The following PHLDB3 variants were observed in gnomAD, a reference collection of about 807,000 sequenced individuals.
PHLDB3 encodes the protein pleckstrin homology like domain family B member 3.
Under a neutral mutation model 85.7 loss-of-function variants are expected in PHLDB3, and 86 were observed. That is an observed-to-expected ratio of 1.00 (90% CI 0.84 to 1.20). PHLDB3 has a LOEUF of 1.20. Ranked by LOEUF, PHLDB3 falls within the 50% of genes most tolerant of loss-of-function variation. The pLI is 0.00. For synonymous variants in PHLDB3, 376 were observed against 349.8 expected, an observed-to-expected ratio of 1.07 and a Z score of -0.83; for missense variants, 995 against 873.0, an observed-to-expected ratio of 1.14 and a Z score of -1.76.
intron 4 of PHLDB3, among the ~76,000 whole-genome samples, chr19:43,500,827 A>G (rs1004526939): frequency 3.3e-5 from 5 of 150,948 alleles, no homozygotes; most frequent in Non-Finnish European, 4.4e-5. Context: ...TTTTCACAGA[A>G]ACGGTGTCTT....
chr19:43,475,486 A>G lies in PHLDB3; in HGVS notation c.1847T>C (p.Val616Ala), dbSNP rs1204216622. The change falls in exon 16 of 16, where the codon GTG (valine) becomes GCG (alanine). Residue 616 changes from valine to alanine, a missense_variant. Physicochemically the swap from Val to Ala is moderately conservative, Grantham distance 64. Transcript: ENST00000292140. Reference sequence around the variant, plus strand: ...GCGCATGGCTTCGGGGCTCGGAGCCACCATGTAGAAAAGGCGTTCGTAGGT... The same window carrying G: ...GCGCATGGCTTCGGGGCTCGGAGCCGCCATGTAGAAAAGGCGTTCGTAGGT... ...VKTYERLFYMVAPSPEAMRIW... is the reference protein window; with the variant it reads ...VKTYERLFYMAAPSPEAMRIW... 3.1e-6 allele frequency: 5 copies of G among 1,613,966 alleles called. No homozygotes were observed. Among genetic ancestry groups the G allele is most frequent in the Non-Finnish European group, 4.2e-6 (5 of 1,179,872 alleles).
chr19:43,497,126 G>C lies in PHLDB3; in HGVS notation c.817C>G (p.Gln273Glu). 6.5e-7 allele frequency: 1 copy of C among 1,532,358 alleles called. No individual in the cohort carries two copies. The highest frequency in any genetic ancestry group is 1.2e-5 in the South Asian group (1 of 81,186). 94.9% of individuals were successfully genotyped at this position (1,532,358 alleles called of 1,614,324 possible). A position where few individuals can be genotyped will look rare whatever the true frequency, so the allele number is the denominator to read the frequency against. Reference protein sequence around the residue: ...KVQELQASMAQHRRGALQHRI... With the variant: ...KVQELQASMAEHRRGALQHRI... ...GGTCAGGCATGACTCACTCTGTGCT[G>C]CGCCATGCTGGCCTGGAGTTCCTGG... is the stretch of plus-strand genomic sequence containing the variant. Residue 273 changes from glutamine to glutamate, a missense_variant, in exon 6 of 16, where the codon CAG becomes GAG. Gln to Glu is a conservative substitution (Grantham distance 29, BLOSUM62 2). Coordinates refer to ENST00000292140, the MANE Select transcript of PHLDB3 (RefSeq NM_198850.4).
chr19:43,496,928 G>A, intron 6 of PHLDB3, 190 bp downstream of exon 6: 1 of 867,058 alleles, frequency 1.2e-6, no homozygotes. Flanking sequence ...AGGATTCAGT[G>A]AGGAAATGCT....
At position 43,479,383 on chromosome 19, in the gene PHLDB3, A is replaced by T; in HGVS notation, c.1696T>A (p.Tyr566Asn). 6.4e-7 allele frequency: 1 copy of T among 1,562,058 alleles called. No individual in the cohort carries two copies. The highest frequency in any genetic ancestry group is 8.7e-7 in the Non-Finnish European group (1 of 1,153,710). The change falls in exon 14 of 16, where the codon TAT becomes AAT. Residue 566 changes from tyrosine (Y) to asparagine (N), a missense_variant. Transcript: ENST00000292140. Reference sequence around the variant, plus strand: ...GTGGCCAGGCTGGGCTTACCCGCATAGTAGGCCAAGCGGCGGGCTTGGCGG... The same window carrying T: ...GTGGCCAGGCTGGGCTTACCCGCATTGTAGGCCAAGCGGCGGGCTTGGCGG... The part of the protein sequence containing the change: ...FDRQARRLAY[Y>N]ADKEETKLKG...
chr19:43,482,772 A>C (rs1009983690), intron 13 of PHLDB3, among the ~76,000 whole-genome samples: 2 of 152,132 alleles, frequency 1.3e-5, no homozygotes, highest in African/African-American at 4.8e-5. Flanking sequence ...TCCTGACCTC[A>C]GGTGATCTGC....
chr19:43,501,175 C>CTTTTTTTTTTTTTTTTTTT (rs59042804), intron 4 of PHLDB3, among the ~76,000 whole-genome samples: 1 of 83,600 alleles, frequency 1.2e-5, no homozygotes, highest in African/African-American at 5.0e-5. Flanking sequence ...TTCTTTTTCT[C>CTTTTTTTTTTTTTTTTTTT]TTTTTTTTTT....
At position 43,502,986 on chromosome 19, in the gene PHLDB3, ATC is replaced by A. The variant is rs567386809; in HGVS notation, c.214-705_214-704del. Reference sequence around the variant, plus strand: ...CTGACCCCAGTCTCTCAGATTCGGTATCTGTCCACTAGATCTGTCCACTAGAA... The same window carrying A: ...CTGACCCCAGTCTCTCAGATTCGGTATGTCCACTAGATCTGTCCACTAGAA... On this transcript the variant is annotated intron_variant, in intron 2 of 15. Coordinates refer to ENST00000292140, the MANE Select transcript of PHLDB3 (RefSeq NM_198850.4). Among the ~76,000 whole-genome samples, 69 of 89,974 alleles carry A rather than the reference ATC, an allele frequency of 7.7e-4. No individual in the cohort carries two copies. In the East Asian group the frequency reaches 0.021, roughly 28 times the overall value. 59.0% of individuals were successfully genotyped at this position (89,974 alleles called of 152,430 possible).
intron 4 of PHLDB3, among the ~76,000 whole-genome samples, chr19:43,500,071 C>G (rs1356482592): frequency 6.6e-6 from 1 of 152,090 alleles, no homozygotes; most frequent in Non-Finnish European, 1.5e-5. Context: ...GAAACCCCAT[C>G]TCTACTGAAA....
chr19:43,486,149 C>T, intron 13 of PHLDB3, 117 bp downstream of exon 13: 1 of 1,411,216 alleles, frequency 7.1e-7, no homozygotes, highest in South Asian at 1.6e-5. Flanking sequence ...TTGCCAAGCC[C>T]AGGACAATTT....
Position 43,487,020 on chromosome 19 carries a change from T to A in PHLDB3, c.1249+4A>T. The A allele has an allele frequency of 6.5e-7, 1 of 1,548,364 alleles. No individual in the cohort carries two copies. The highest frequency in any genetic ancestry group is 8.7e-7 in the Non-Finnish European group (1 of 1,150,286). On this transcript the variant is annotated splice_donor_region_variant and intron_variant, in intron 10 of 15. Transcript: ENST00000292140. ...AAGGAAGTGGGGAACAGGGGGATCC[T>A]CACCAGTACAATGGAAGGACAGAGG...
chr19:43,489,772 C>T (rs1375368704), intron 9 of PHLDB3, among the ~76,000 whole-genome samples: 2 of 151,778 alleles, frequency 1.3e-5, no homozygotes, highest in Admixed American at 6.6e-5. Context: ...TCTGGAAGGC[C>T]GAGGCAGGCA....
intron 9 of PHLDB3, among the ~76,000 whole-genome samples, chr19:43,489,527 G>A (rs1337919692): frequency 2.0e-5 from 3 of 152,140 alleles, no homozygotes; most frequent in Non-Finnish European, 2.9e-5. Flanking sequence ...CTCAGGAAGT[G>A]AACAGCGTAG....
rs547222779 is a variant in PHLDB3, at chr19:43,486,826, C to T, written c.1294G>A (p.Gly432Ser). ...SALPPAVGDS[G>S]RYPLYQLLNC... The stretch of plus-strand genomic sequence containing the variant: ...AGCAGCTGGTAGAGGGGGTATCTGC[C>T]GGAGTCCCCCACTGCTGGCGGGAGA... Residue 432 changes from glycine (G) to serine (S), a missense_variant, in exon 11 of 16, where the codon GGC becomes AGC. Coordinates refer to ENST00000292140, the MANE Select transcript of PHLDB3 (RefSeq NM_198850.4). The T allele has an allele frequency of 8.2e-6, 13 of 1,585,460 alleles. No homozygotes were observed. The highest frequency in any genetic ancestry group is 4.6e-5 in the South Asian group (4 of 86,168).
intron 9 of PHLDB3, among the ~76,000 whole-genome samples, chr19:43,487,447 C>T (rs1033853083): frequency 9.2e-5 from 14 of 151,452 alleles, no homozygotes; most frequent in South Asian, 8.4e-4. Flanking sequence ...TGGTGGCACG[C>T]GCCTGTAGTC....
intron 9 of PHLDB3, 57 bp from the exon 10 acceptor site, chr19:43,487,180 C>T: frequency 7.0e-7 from 1 of 1,429,384 alleles, no homozygotes; most frequent in Non-Finnish European, 9.7e-7. Context: ...CAACCTAAGT[C>T]AGAGCACTGC....
Position 43,475,229 on chromosome 19 carries a change from G to A in PHLDB3, c.*181C>T, listed in dbSNP as rs933591738. The stretch of plus-strand genomic sequence containing the variant: ...GGGCCGGCGATCCCGTCGGGGGCAA[G>A]GCACCTGCAACCCAGAACGCAGCAG... On this transcript the variant is annotated 3_prime_UTR_variant, in exon 16 of 16. Coordinates refer to ENST00000292140, the MANE Select transcript of PHLDB3 (RefSeq NM_198850.4). 9 of 814,434 alleles carry A rather than the reference G, an allele frequency of 1.1e-5. No individual in the cohort carries two copies. Among genetic ancestry groups the A allele is most frequent in the Non-Finnish European group, 1.5e-5 (8 of 540,932 alleles). The allele number at this position is 814,434 out of a possible 1,614,324, so 50.5% of individuals were successfully genotyped here. A position where few individuals can be genotyped will look rare whatever the true frequency, so the allele number is the denominator to read the frequency against.
intron 9 of PHLDB3, among the ~76,000 whole-genome samples, chr19:43,490,882 C>T (rs1395450043): frequency 6.6e-6 from 1 of 152,214 alleles, no homozygotes; most frequent in East Asian, 1.9e-4. Context: ...AGTCATTTCT[C>T]TTCTCAAGCG....
rs755627272 is a variant in PHLDB3 at position 43,502,244 on chromosome 19, G to C, written c.253C>G (p.Pro85Ala). The change falls in exon 3 of 16, where the codon CCC (proline) becomes GCC (alanine). Residue 85 changes from proline to alanine, a missense_variant. By Grantham distance (27) the Pro-to-Ala change is conservative (BLOSUM62 -1). Coordinates refer to ENST00000292140, the MANE Select transcript of PHLDB3 (RefSeq NM_198850.4). ...CCTTCCCGCGAAGAGGTGGATGCGG[G>C]AGGTGTGGCCGCCATAGCTATCGGA... is the stretch of plus-strand genomic sequence containing the variant. ...TPPIAMAATPPASTSSREGVR... is the reference protein window; with the variant it reads ...TPPIAMAATPAASTSSREGVR... 6 of 1,564,342 alleles carry C rather than the reference G, an allele frequency of 3.8e-6. No homozygotes were observed. The Admixed American group carries it at 5.7e-5, about 15-fold the overall frequency.
Position 43,479,378 on chromosome 19 carries a change from C to CTCAAA in PHLDB3, c.1700_1701insTTTGA (p.Asp568LeufsTer37), listed in dbSNP as rs1970990806. ...CCATGGTGGCCAGGCTGGGCTTACC[C>CTCAAA]GCATAGTAGGCCAAGCGGCGGGCTT... On this transcript the variant is annotated frameshift_variant and splice_region_variant, in exon 14 of 16. Transcript: ENST00000292140. LOFTEE classifies it high-confidence loss of function. 3.2e-6 allele frequency: 5 copies of CTCAAA among 1,559,792 alleles called. No individual in the cohort carries two copies. In the Admixed American group the frequency reaches 5.8e-5, roughly 18 times the overall value.
Sources: allele counts gnomAD v4.1 joint callset (sites outside exome capture counted in the v4.1 genomes callset), GRCh38; gene constraint gnomAD v4.1.1; transcripts MANE v1.5; gene names NCBI Gene and HGNC (gene_info 2026-07-23, HGNC 2026-07-21).